The following XKR6 variants were observed in gnomAD, a reference collection of about 807,000 sequenced individuals.
The protein encoded by XKR6 is XK-related protein 6.
In XKR6, 22 loss-of-function variants were observed where a neutral mutation model predicts 56.7. The ratio of observed to expected loss-of-function variants is 0.39; its 90% confidence interval spans 0.28 to 0.55. XKR6 has a LOEUF of 0.55. Among genes scored for constraint, XKR6 ranks in the 20% least tolerant of loss-of-function variants. XKR6 has a pLI of 0.66. For synonymous variants in XKR6, 524 were observed against 387.8 expected (o/e 1.35, Z -4.13); for missense variants, 852 against 889.0 (o/e 0.96, Z 0.53).
chr8:10,982,901 G>A (rs1016844990), intron 1 of XKR6, among the ~76,000 whole-genome samples: 6 of 152,218 alleles, frequency 3.9e-5, no homozygotes, highest in African/African-American at 1.4e-4. Context: ...GGGACAGCTG[G>A]CTCCACTGGG....
chr8:11,057,313 T>TC (rs1799710622), intron 1 of XKR6, among the ~76,000 whole-genome samples: 1 of 152,134 alleles, frequency 6.6e-6, no homozygotes, highest in Non-Finnish European at 1.5e-5. Flanking sequence ...TCTGTCTCCC[T>TC]CCCCCACTAG....
rs1554486409 is a variant in XKR6 at position 11,201,247 on chromosome 8, G to A, written c.93C>T (p.Asp31=). 1.3e-6 allele frequency: 2 copies of A among 1,562,372 alleles called. No homozygotes were observed. The highest frequency in any genetic ancestry group is 1.2e-5 in the South Asian group (1 of 86,064). The change falls in exon 1 of 3, where the codon GAC becomes GAT. Residue 31 remains aspartate, a synonymous_variant. Coordinates refer to ENST00000416569, the MANE Select transcript of XKR6 (RefSeq NM_173683.4). The part of the protein sequence containing the change: ...DEAVGSGGEE[D]GEPGGGGCGG... Reference sequence around the variant, plus strand: ...CGCAGCCGCCTCCCCCGGGCTCCCCGTCCTCCTCGCCGCCGCTGCCCACCG... The same window carrying A: ...CGCAGCCGCCTCCCCCGGGCTCCCCATCCTCCTCGCCGCCGCTGCCCACCG...
chr8:10,962,104 T>C (rs1478529691), intron 1 of XKR6, among the ~76,000 whole-genome samples: 4 of 152,206 alleles, frequency 2.6e-5, no homozygotes, highest in Non-Finnish European at 5.9e-5. Flanking sequence ...ATCATGACTT[T>C]CCGCGGGGGC....
chr8:10,981,339 G>T (rs894526910), intron 1 of XKR6, among the ~76,000 whole-genome samples: 2 of 152,194 alleles, frequency 1.3e-5, no homozygotes, highest in Non-Finnish European at 1.5e-5. Context: ...TGCACTGCAC[G>T]TTCCAGGTGA....
At chr8:10,987,724 T>A (rs1643623750) in intron 1 of XKR6, among the ~76,000 whole-genome samples, 1 of 152,238 alleles carries the variant, frequency 6.6e-6, no homozygotes, top group African/African-American at 2.4e-5. Flanking sequence ...CCCAAGCATT[T>A]ACTATGGCCC....
chr8:11,108,175 G>C lies in XKR6; in HGVS notation c.764+92401C>G, dbSNP rs1374815511. 6 of 422,820 alleles carry C rather than the reference G, an allele frequency of 1.4e-5. No homozygotes were observed. The East Asian group carries it at 3.5e-4, about 25-fold the overall frequency. The allele number at this position is 422,820 out of a possible 1,614,324, so 26.2% of individuals were successfully genotyped here. The stretch of plus-strand genomic sequence containing the variant: ...TCAGATAATCGGGTGCATCTGTTCT[G>C]TTAAATGTCCACTACACTTATAAAC... On this transcript the variant is annotated intron_variant, in intron 1 of 2. Transcript: ENST00000416569.
At chr8:11,048,125 G>A (rs1239326777) in intron 1 of XKR6, among the ~76,000 whole-genome samples, 1 of 152,166 alleles carries the variant, frequency 6.6e-6, no homozygotes, top group Non-Finnish European at 1.5e-5. Flanking sequence ...CTCAGTCACT[G>A]CAGCAGCCAG....
At chr8:11,084,225 C>A (rs1193391990) in intron 1 of XKR6, among the ~76,000 whole-genome samples, 2 of 152,230 alleles carry the variant, frequency 1.3e-5, no homozygotes, top group African/African-American at 2.4e-5. Context: ...ATGACTTCAA[C>A]CACTGATATC....
chr8:11,140,790 C>T (rs189368425), intron 1 of XKR6, among the ~76,000 whole-genome samples: 9 of 147,936 alleles, frequency 6.1e-5, no homozygotes, highest in East Asian at 4.1e-4. Flanking sequence ...CCCAGCTACT[C>T]GGGAGGCTGA....
intron 1 of XKR6, among the ~76,000 whole-genome samples, chr8:10,986,169 T>C (rs951909286): frequency 6.6e-6 from 1 of 152,206 alleles, no homozygotes; most frequent in African/African-American, 2.4e-5. Context: ...AGGTGGTGCT[T>C]CAAATCAGAG....
chr8:10,984,728 C>CTATATATA lies in XKR6; in HGVS notation c.765-59899_765-59898insTATATATA, dbSNP rs1176002840. 2.1e-3 allele frequency among the ~76,000 whole-genome samples: 143 copies of CTATATATA among 66,828 alleles called. 1 individual carries two copies. The highest frequency in any genetic ancestry group is 7.9e-3 in the African/African-American group (115 of 14,624). The allele number at this position is 66,828 out of a possible 152,430, so 43.8% of individuals were successfully genotyped here. On this transcript the variant is annotated intron_variant, in intron 1 of 2. Transcript: ENST00000416569. Reference sequence around the variant, plus strand: ...TCTCTCTCTCTCTCTCTCTCTCTCTCTCTCTATATATATATATATATATAT... The same window carrying CTATATATA: ...TCTCTCTCTCTCTCTCTCTCTCTCTCTATATATATCTCTATATATATATATATATATAT...
At chr8:11,055,231 C>A (rs986815869) in intron 1 of XKR6, among the ~76,000 whole-genome samples, 1 of 151,970 alleles carries the variant, frequency 6.6e-6, no homozygotes, top group South Asian at 2.1e-4. Context: ...AGCCCAGAAG[C>A]AGCGTGGGGT....
chr8:11,137,270 T>C (rs1004464568), intron 1 of XKR6: 10 of 264,796 alleles, frequency 3.8e-5, no homozygotes, highest in Non-Finnish European at 6.6e-5. Flanking sequence ...AAATGTCTAC[T>C]AAAGCAGTGC....
At chr8:11,159,197 T>A (rs975976631) in intron 1 of XKR6, among the ~76,000 whole-genome samples, 3 of 152,212 alleles carry the variant, frequency 2.0e-5, no homozygotes, top group African/African-American at 7.2e-5. Flanking sequence ...CCCAGAGGGG[T>A]ACCCAATTCT....
rs529601206 is a variant in XKR6, at chr8:10,977,503, C to G, written c.765-52673G>C. Reference sequence around the variant, plus strand: ...AATGTGGGATGAGACTAAATTACAACCCTGGATGCAACCCAAAATATGTAA... The same window carrying G: ...AATGTGGGATGAGACTAAATTACAAGCCTGGATGCAACCCAAAATATGTAA... On this transcript the variant is annotated intron_variant, in intron 1 of 2. Transcript: ENST00000416569. 1.3e-3 allele frequency among the ~76,000 whole-genome samples: 198 copies of G among 151,654 alleles called. 1 individual carries two copies. Among genetic ancestry groups the G allele is most frequent in the Non-Finnish European group, 1.9e-3 (130 of 67,940 alleles).
At chr8:10,967,948 G>A (rs77415775) in intron 1 of XKR6, among the ~76,000 whole-genome samples, 8,976 of 152,260 alleles carry the variant, frequency 0.059, 368 homozygotes, top group Middle Eastern at 0.092. Flanking sequence ...AGAGCCCTAG[G>A]AGATTCCATC....
intron 1 of XKR6, among the ~76,000 whole-genome samples, chr8:10,974,298 G>A (rs1262672492): frequency 6.6e-6 from 1 of 152,162 alleles, no homozygotes; most frequent in Non-Finnish European, 1.5e-5. Flanking sequence ...CACCTGAGAG[G>A]GCCTGTGCCT....
In XKR6 at chr8:10,896,617, G is replaced by A. The variant is rs984646715; in HGVS notation, c.*1335C>T. On this transcript the variant is annotated 3_prime_UTR_variant, in exon 3 of 3. Coordinates refer to ENST00000416569, the MANE Select transcript of XKR6 (RefSeq NM_173683.4). ...ACAAAATTTCCCATTCAACCCAGAT[G>A]CACCAGGTGAGCTGAATGATTTTCA... 2 of 152,518 alleles carry A rather than the reference G, an allele frequency of 1.3e-5. No individual in the cohort carries two copies. 9.4% of individuals were successfully genotyped at this position (152,518 alleles called of 1,614,324 possible). A position where few individuals can be genotyped will look rare whatever the true frequency, so the allele number is the denominator to read the frequency against.
At chr8:11,093,735 T>C (rs145574057) in intron 1 of XKR6, among the ~76,000 whole-genome samples, 1 of 152,356 alleles carries the variant, frequency 6.6e-6, no homozygotes, top group Non-Finnish European at 1.5e-5. Context: ...GTACTCTCTA[T>C]AATTCAAAAT....
Sources: allele counts gnomAD v4.1 joint callset (sites outside exome capture counted in the v4.1 genomes callset), GRCh38; gene constraint gnomAD v4.1.1; transcripts MANE v1.5; gene names NCBI Gene and HGNC (gene_info 2026-07-23, HGNC 2026-07-21).